OXNAD1: variants seen among roughly 807,000 people sequenced by gnomAD.
OXNAD1 encodes the protein oxidoreductase NAD-binding domain-containing protein 1.
In OXNAD1, 34 loss-of-function variants were observed where a neutral mutation model predicts 32.9. That is an observed-to-expected ratio of 1.03 (90% CI 0.79 to 1.38). OXNAD1 has a LOEUF of 1.38. Ranked by LOEUF, OXNAD1 falls within the 40% of genes most tolerant of loss-of-function variation. The pLI is 0.00. For missense variants in OXNAD1, 407 were observed against 379.4 expected (o/e 1.07, Z -0.60); for synonymous variants, 134 against 135.2 (o/e 0.99, Z 0.06).
rs2070759629 is a variant in OXNAD1, at chr3:16,335,542, A to G, written c.*31-1570A>G. On this transcript the variant is annotated intron_variant, in intron 9 of 9. Coordinates refer to the OXNAD1 transcript ENST00000435829. This position sits in a 1 kb window ranked among gnomAD's most constrained non-coding sequence, Gnocchi z 4.7. Reference sequence around the variant, plus strand: ...AATCAAACACCACATGTTCTCACTTACAAGTGGGAGAGCTGAACGGTGAAA... The same window carrying G: ...AATCAAACACCACATGTTCTCACTTGCAAGTGGGAGAGCTGAACGGTGAAA... 6.6e-6 allele frequency among the ~76,000 whole-genome samples: 1 copy of G among 152,156 alleles called. No homozygotes were observed. The highest frequency in any genetic ancestry group is 2.1e-4 in the South Asian group (1 of 4,838).
At chr3:16,300,322 T>C (rs775815290) in intron 6 of OXNAD1, among the ~76,000 whole-genome samples, 3 of 152,186 alleles carry the variant, frequency 2.0e-5, no homozygotes, top group Non-Finnish European at 4.4e-5. Context: ...AACTGGAAGA[T>C]AGAATGAAGT....
rs2070634125 is a variant in OXNAD1, at chr3:16,334,237, TA to T, written c.*31-2870del. On this transcript the variant is annotated intron_variant, in intron 9 of 9. Transcript: ENST00000435829. This position sits in a 1 kb window ranked among gnomAD's most constrained non-coding sequence, Gnocchi z 4.3. ...ACTATTTTTTCACCTATTGAACTGG[TA>T]AAAACCCAAAAGTTAGGCAGCCCGC... 6.6e-6 allele frequency among the ~76,000 whole-genome samples: 1 copy of T among 152,126 alleles called. No homozygotes were observed. Among genetic ancestry groups the T allele is most frequent in the Non-Finnish European group, 1.5e-5 (1 of 67,998 alleles).
At chr3:16,324,316 C>T (rs693626) in intron 9 of OXNAD1, among the ~76,000 whole-genome samples, 66,466 of 151,940 alleles carry the variant, frequency 0.44, 14,627 homozygotes, top group African/African-American at 0.47. Flanking sequence ...CTTTTAGGAA[C>T]TGTAAACTAT....
Position 16,334,073 on chromosome 3 carries a change from G to A in OXNAD1, c.*31-3039G>A, listed in dbSNP as rs1190498930. On this transcript the variant is annotated intron_variant, in intron 9 of 9. Coordinates refer to the OXNAD1 transcript ENST00000435829. This position sits in a 1 kb window ranked among gnomAD's most constrained non-coding sequence, Gnocchi z 4.3. Reference sequence around the variant, plus strand: ...CCAGCTACTTGGGAGGCTGAGGCAGGAGAATGGCTTGAACCTAGGAGGCAG... The same window carrying A: ...CCAGCTACTTGGGAGGCTGAGGCAGAAGAATGGCTTGAACCTAGGAGGCAG... 2.6e-5 allele frequency among the ~76,000 whole-genome samples: 4 copies of A among 152,188 alleles called. No homozygotes were observed. The highest frequency in any genetic ancestry group is 9.7e-5 in the African/African-American group (4 of 41,442).
chr3:16,332,048 T>C (rs1025546987), intron 9 of OXNAD1, among the ~76,000 whole-genome samples: 2 of 152,172 alleles, frequency 1.3e-5, no homozygotes, highest in African/African-American at 2.4e-5. Flanking sequence ...ATTTTTTTTT[T>C]CTCCCCTAGA....
Position 16,286,439 on chromosome 3 carries a change from C to T in OXNAD1, c.281C>T (p.Ala94Val), listed in dbSNP as rs1210530181. 2.5e-5 allele frequency: 41 copies of T among 1,613,548 alleles called. No individual in the cohort carries two copies. The highest frequency in any genetic ancestry group is 3.4e-5 in the Non-Finnish European group (40 of 1,179,644). Residue 94 changes from alanine (A) to valine (V), a missense_variant, in exon 5 of 9, where the codon GCT (alanine) becomes GTT (valine). By Grantham distance (64) the Ala-to-Val change is moderately conservative. Coordinates refer to ENST00000285083, the MANE Select transcript of OXNAD1 (RefSeq NM_138381.5). Reference protein sequence around the residue: ...LVADQDFSFKAGQWVDFFIPG... With the variant: ...LVADQDFSFKVGQWVDFFIPG... ...GCTGATCAAGACTTTTCCTTTAAAG[C>T]TGGCCAGTGGTAAGTGACTTTTCTG...
chr3:16,337,519 G>A (rs1200896566), downstream of OXNAD1, among the ~76,000 whole-genome samples: 1 of 151,966 alleles, frequency 6.6e-6, no homozygotes, highest in Non-Finnish European at 1.5e-5. This position sits in a 1 kb window ranked among gnomAD's most constrained non-coding sequence, Gnocchi z 5.0. Flanking sequence ...AGAGGTGGGT[G>A]GATCATGAGG....
rs1274473899 is a variant in OXNAD1 at position 16,301,945 on chromosome 3, T to G, written c.675+77T>G. The G allele has an allele frequency of 6.5e-7, 1 of 1,528,820 alleles. No homozygotes were observed. The highest frequency in any genetic ancestry group is 2.3e-5 in the East Asian group (1 of 44,150). 94.7% of individuals were successfully genotyped at this position (1,528,820 alleles called of 1,614,324 possible). A position where few individuals can be genotyped will look rare whatever the true frequency, so the allele number is the denominator to read the frequency against. On this transcript the variant is annotated intron_variant, in intron 7 of 8. Coordinates refer to ENST00000285083, the MANE Select transcript of OXNAD1 (RefSeq NM_138381.5). The surrounding 1 kb of genome is among the most constrained non-coding windows in gnomAD (Gnocchi z 4.1). Reference sequence around the variant, plus strand: ...TTCATGAAAGTTTTTTCTCTAGGTTTTGTTTTCTCTGCAAAGGTTCAAACA... The same window carrying G: ...TTCATGAAAGTTTTTTCTCTAGGTTGTGTTTTCTCTGCAAAGGTTCAAACA...
At chr3:16,318,525 G>T (rs1028002180) in intron 9 of OXNAD1, among the ~76,000 whole-genome samples, 4 of 152,124 alleles carry the variant, frequency 2.6e-5, no homozygotes, top group Admixed American at 6.5e-5. Context: ...TTAAAAATCT[G>T]CCATTTTTGT....
chr3:16,330,940 T>C (rs1019291295), intron 9 of OXNAD1, among the ~76,000 whole-genome samples: 2 of 152,376 alleles, frequency 1.3e-5, no homozygotes, highest in East Asian at 1.9e-4. Flanking sequence ...CAGTTTGCTC[T>C]TCTTTTCTCC....
Position 16,346,195 on chromosome 3 carries a change from ACACCTTCCCTTGACTAAATGGAAT to A in OXNAD1, c.*31-2978_*31-2955del, listed in dbSNP as rs2125305552. On this transcript the variant is annotated intron_variant, in intron 9 of 9. Coordinates refer to the OXNAD1 transcript ENST00000606098. The surrounding 1 kb of genome is among the most constrained non-coding windows in gnomAD (Gnocchi z 4.4). ...GTGCACATTCATTTTTAATGACTACACACCTTCCCTTGACTAAATGGAATCAATCCTTCCTGCCTGAATTTCATC... is the reference window on the plus strand; with the variant it reads ...GTGCACATTCATTTTTAATGACTACACAATCCTTCCTGCCTGAATTTCATC... 1 of 152,280 alleles carries A rather than the reference ACACCTTCCCTTGACTAAATGGAAT, an allele frequency of 6.6e-6. No homozygotes were observed. Among genetic ancestry groups the A allele is most frequent in the Non-Finnish European group, 1.5e-5 (1 of 68,034 alleles). 9.4% of individuals were successfully genotyped at this position (152,280 alleles called of 1,614,324 possible).
At chr3:16,276,998 C>T (rs2065385237) in intron 4 of OXNAD1, among the ~76,000 whole-genome samples, 1 of 150,588 alleles carries the variant, frequency 6.6e-6, no homozygotes, top group South Asian at 2.1e-4. Flanking sequence ...GATCTTGGCT[C>T]ACTGCAACCT....
In OXNAD1 at chr3:16,306,071, A is replaced by C. The variant is rs560305813; in HGVS notation, c.*2509A>C. On this transcript the variant is annotated 3_prime_UTR_variant, in exon 9 of 9. Coordinates refer to ENST00000285083, the MANE Select transcript of OXNAD1 (RefSeq NM_138381.5). Reference sequence around the variant, plus strand: ...TGCTCAGAGTTGATAAGCTGGATTAAAGTGACTTCTTAAGGATCCTCTGGC... The same window carrying C: ...TGCTCAGAGTTGATAAGCTGGATTACAGTGACTTCTTAAGGATCCTCTGGC... 1 of 152,240 alleles carries C rather than the reference A, an allele frequency of 6.6e-6. No individual in the cohort carries two copies. The highest frequency in any genetic ancestry group is 2.1e-4 in the South Asian group (1 of 4,828). 9.4% of individuals were successfully genotyped at this position (152,240 alleles called of 1,614,324 possible).
chr3:16,283,574 G>A (rs1049025263), intron 4 of OXNAD1, among the ~76,000 whole-genome samples: 11 of 152,176 alleles, frequency 7.2e-5, no homozygotes, highest in African/African-American at 2.2e-4. Context: ...TGCTCCTCAG[G>A]CATTGGCTGC....
rs1388043983 is a variant in OXNAD1, at chr3:16,350,255, A to G, written c.*1110A>G. The G allele has an allele frequency of 2.6e-5, 4 of 152,322 alleles. No individual in the cohort carries two copies. The South Asian group carries it at 8.3e-4, about 32-fold the overall frequency. The allele number at this position is 152,322 out of a possible 1,614,324, so 9.4% of individuals were successfully genotyped here. On this transcript the variant is annotated 3_prime_UTR_variant, in exon 10 of 10. Coordinates refer to the OXNAD1 transcript ENST00000606098. ...TTATCCTTTGTTTAACCATTCCCCTACTGATGGACATGAACATTATTACCT... is the reference window on the plus strand; with the variant it reads ...TTATCCTTTGTTTAACCATTCCCCTGCTGATGGACATGAACATTATTACCT...
At position 16,303,451 on chromosome 3, in the gene OXNAD1, AG is replaced by A; in HGVS notation, c.829del (p.Glu277ArgfsTer12). 5 of 1,614,046 alleles carry A rather than the reference AG, an allele frequency of 3.1e-6. No individual in the cohort carries two copies. Among genetic ancestry groups the A allele is most frequent in the Non-Finnish European group, 4.2e-6 (5 of 1,179,918 alleles). ...EKEIRDHISKETLFYICGPPP... is the reference protein window; with the variant it reads ...EKEIRDHISKXTLFYICGPPP... The stretch of plus-strand genomic sequence containing the variant: ...AGGAGATAAGAGATCATATTTCAAA[AG>A]AGACTTTGTTCTATATTTGTGGCCC... On this transcript the variant is annotated frameshift_variant, in exon 9 of 9. Coordinates refer to ENST00000285083, the MANE Select transcript of OXNAD1 (RefSeq NM_138381.5). LOFTEE classifies it high-confidence loss of function. The surrounding 1 kb of genome is among the most constrained non-coding windows in gnomAD (Gnocchi z 4.8).
At chr3:16,276,331 C>T in intron 4 of OXNAD1, 2 of 193,222 alleles carry the variant, frequency 1.0e-5, no homozygotes, top group Non-Finnish European at 2.2e-5. Flanking sequence ...CCAATTGTTT[C>T]TTCTGTGAAT....
In OXNAD1 at chr3:16,297,574, T is replaced by C. The variant is rs556774527; in HGVS notation, c.432+2577T>C. Among the ~76,000 whole-genome samples, 7 of 152,330 alleles carry C rather than the reference T, an allele frequency of 4.6e-5. 1 individual carries two copies. In the South Asian group the frequency reaches 1.4e-3, roughly 32 times the overall value. On this transcript the variant is annotated intron_variant, in intron 6 of 8. Coordinates refer to ENST00000285083, the MANE Select transcript of OXNAD1 (RefSeq NM_138381.5). This position sits in a 1 kb window ranked among gnomAD's most constrained non-coding sequence, Gnocchi z 4.3. ...TTTATAGCAGTTCTATTCATAATTA[T>C]TAAAAACTTCTAGAAACAACCCAAA...
Position 16,284,532 on chromosome 3 carries a change from C to A in OXNAD1, c.184-1810C>A, listed in dbSNP as rs1369363097. On this transcript the variant is annotated intron_variant, in intron 4 of 8. Coordinates refer to ENST00000285083, the MANE Select transcript of OXNAD1 (RefSeq NM_138381.5). This position sits in a 1 kb window ranked among gnomAD's most constrained non-coding sequence, Gnocchi z 4.1. The stretch of plus-strand genomic sequence containing the variant: ...GTAACACAATATTTGTGTGTCTAAA[C>A]ATAGAAAAATAGTAAAAATCTGGTA... Among the ~76,000 whole-genome samples the A allele has an allele frequency of 6.6e-6, 1 of 152,154 alleles. No homozygotes were observed. The highest frequency in any genetic ancestry group is 1.5e-5 in the Non-Finnish European group (1 of 68,026).
Sources: allele counts gnomAD v4.1 joint callset (sites outside exome capture counted in the v4.1 genomes callset), GRCh38; gene constraint gnomAD v4.1.1; non-coding constraint Gnocchi (gnomAD v3.1); transcripts MANE v1.5; gene names NCBI Gene and HGNC (gene_info 2026-07-23, HGNC 2026-07-21).